Variants in UTP20 observed in about 807,000 individuals in gnomAD.
UTP20 encodes UTP20 small subunit processome component.
In UTP20, 164 loss-of-function variants were observed where a neutral mutation model predicts 329.5. That is an observed-to-expected ratio of 0.50 (90% CI 0.44 to 0.57). The LOEUF (loss-of-function observed/expected upper bound fraction) is 0.57, where lower values mean the gene tolerates loss of function less well. UTP20 is among the 20% of genes least tolerant of loss of function. The pLI, the probability that UTP20 is intolerant of heterozygous loss-of-function variation, is 0.00. For missense variants in UTP20, 3,055 were observed against 3,284.2 expected (o/e 0.93, Z 1.71); for synonymous variants, 1,151 against 1,159.3 (o/e 0.99, Z 0.14).
chr12:101,371,239 A>G, intron 51 of UTP20, 71 bp downstream of exon 51: 1 of 1,137,558 alleles, frequency 8.8e-7, no homozygotes, highest in South Asian at 1.6e-5. Context: ...AGGTGTCAAC[A>G]CTGGCTGAAT....
intron 55 of UTP20, among the ~76,000 whole-genome samples, chr12:101,375,271 T>A (rs1284674594): frequency 6.7e-6 from 1 of 148,480 alleles, no homozygotes; most frequent in African/African-American, 2.5e-5. Context: ...AAAAAAAAAA[T>A]GGGGGGTTGG....
Position 101,358,569 on chromosome 12 carries a change from A to ATTCTGTTAGTTTTCTTTC in UTP20, c.5691+1492_5691+1509dup, listed in dbSNP as rs1310120335. Among the ~76,000 whole-genome samples, 4 of 152,188 alleles carry ATTCTGTTAGTTTTCTTTC rather than the reference A, an allele frequency of 2.6e-5. No homozygotes were observed. In the South Asian group the frequency reaches 6.2e-4, roughly 24 times the overall value. On this transcript the variant is annotated intron_variant, in intron 43 of 61. Coordinates refer to ENST00000261637, the MANE Select transcript of UTP20 (RefSeq NM_014503.3). The stretch of plus-strand genomic sequence containing the variant: ...GGTGGAGCAGGCATGGTGGGAACAG[A>ATTCTGTTAGTTTTCTTTC]TTCTGTTAGTTTTCTTTCTTCTATG...
chr12:101,292,796 C>T (rs1049767358), intron 10 of UTP20, among the ~76,000 whole-genome samples: 4 of 152,078 alleles, frequency 2.6e-5, no homozygotes, highest in African/African-American at 9.7e-5. Flanking sequence ...GAAAGAATTC[C>T]AAGCAGGGAT....
rs1869738197 is a variant in UTP20, at chr12:101,356,823, C to T, written c.5535-103C>T. ...AACTTGCTGTGGTTTCGAATATTAA[C>T]AGGAAAATTTGAGTTACGAGTAATT... On this transcript the variant is annotated intron_variant, in intron 42 of 61. Transcript: ENST00000261637. 2.0e-6 allele frequency: 3 copies of T among 1,474,698 alleles called. No homozygotes were observed. The South Asian group carries it at 4.1e-5, about 20-fold the overall frequency. The allele number at this position is 1,474,698 out of a possible 1,614,324, so 91.4% of individuals were successfully genotyped here.
intron 32 of UTP20, among the ~76,000 whole-genome samples, chr12:101,340,937 C>CTTTTTTTTTTTTTTTT (rs71091488): frequency 6.0e-5 from 5 of 83,026 alleles, no homozygotes; most frequent in Admixed American, 1.5e-4. Context: ...ATTGTGTAAT[C>CTTTTTTTTTTTTTTTT]TTTTTTTTTT....
chr12:101,333,698 G>GT (rs5800466), intron 28 of UTP20, among the ~76,000 whole-genome samples: 31,282 of 152,140 alleles, frequency 0.21, 7,048 homozygotes, highest in East Asian at 0.55. Context: ...TTAAGCAACT[G>GT]TAACATAACT....
intron 52 of UTP20, 83 bp from the exon 53 acceptor site, chr12:101,373,318 C>A: frequency 7.4e-7 from 1 of 1,352,382 alleles, no homozygotes; most frequent in Non-Finnish European, 1.0e-6. Context: ...AAACTGACAC[C>A]TTGATACAAT....
At chr12:101,375,310 A>G (rs756411513) in intron 55 of UTP20, among the ~76,000 whole-genome samples, 1 of 152,108 alleles carries the variant, frequency 6.6e-6, no homozygotes, top group Non-Finnish European at 1.5e-5. Context: ...TCTTCATGGT[A>G]TATGAAGATC....
chr12:101,320,729 T>C, intron 23 of UTP20, 123 bp from the exon 24 acceptor site: 1 of 703,340 alleles, frequency 1.4e-6, no homozygotes, highest in Non-Finnish European at 2.2e-6. Flanking sequence ...AGCAATCAGG[T>C]TTAGGTCTTG....
rs1330692306 is a variant in UTP20, at chr12:101,310,595, A to AAAAAAAAAAAAAAAAAAAAAAAAAAG, written c.2231+759_2231+760insAAAAAAAAAAAAAAAAAAAAAAGAAA. Among the ~76,000 whole-genome samples, 36 of 121,742 alleles carry AAAAAAAAAAAAAAAAAAAAAAAAAAG rather than the reference A, an allele frequency of 3.0e-4. 1 individual carries two copies. The highest frequency in any genetic ancestry group is 3.6e-4 in the Non-Finnish European group (18 of 49,788). The allele number at this position is 121,742 out of a possible 152,430, so 79.9% of individuals were successfully genotyped here. Reference sequence around the variant, plus strand: ...TGTCTCCCAAAAAAAAAAAAAAAAAAAAATACATGTTATGGCTCATGTGTA... The same window carrying AAAAAAAAAAAAAAAAAAAAAAAAAAG: ...TGTCTCCCAAAAAAAAAAAAAAAAAAAAAAAAAAAAAAAAAAAAAAAAAAAGAAATACATGTTATGGCTCATGTGTA... On this transcript the variant is annotated intron_variant, in intron 19 of 61. Coordinates refer to ENST00000261637, the MANE Select transcript of UTP20 (RefSeq NM_014503.3).
In UTP20 at chr12:101,366,588, T is replaced by G; in HGVS notation, c.6156T>G (p.Arg2052=). The change falls in exon 47 of 62, where the codon CGT becomes CGG. Residue 2052 remains arginine, a synonymous_variant. Coordinates refer to ENST00000261637, the MANE Select transcript of UTP20 (RefSeq NM_014503.3). ...CAGTAGCCCCAGCACCAGATCCACGTCTACCACCCCAGAGCTGCCTTCTGC... is the reference window on the plus strand; with the variant it reads ...CAGTAGCCCCAGCACCAGATCCACGGCTACCACCCCAGAGCTGCCTTCTGC... ...KNPVAPAPDP[R]LPPQSCLLLP... is the part of the protein sequence containing the mutation. The G allele has an allele frequency of 6.2e-7, 1 of 1,614,110 alleles. No homozygotes were observed. The highest frequency in any genetic ancestry group is 8.5e-7 in the Non-Finnish European group (1 of 1,179,996).
At position 101,356,646 on chromosome 12, in the gene UTP20, A is replaced by G. The variant is rs1420853762; in HGVS notation, c.5487A>G (p.Lys1829=). ...TTCCATTAGCTTTTGCCATGGTTAA[A>G]CTAATGCAGTCCCTTCCACAAGAAG... ...VRVPLAFAMV[K]LMQSLPQEVM... Residue 1829 remains lysine, a synonymous_variant, in exon 42 of 62, where the codon AAA becomes AAG. Transcript: ENST00000261637. 2.5e-6 allele frequency: 4 copies of G among 1,614,048 alleles called. No individual in the cohort carries two copies. The highest frequency in any genetic ancestry group is 3.4e-6 in the Non-Finnish European group (4 of 1,179,972).
At chr12:101,285,969 C>A in intron 4 of UTP20, 88 bp downstream of exon 4, 1 of 1,507,082 alleles carries the variant, frequency 6.6e-7, no homozygotes, top group Non-Finnish European at 8.9e-7. Flanking sequence ...TACCGCAGAT[C>A]AGGTGCTCAT....
At chr12:101,349,510 C>T (rs1455808377) in intron 38 of UTP20, among the ~76,000 whole-genome samples, 1 of 151,866 alleles carries the variant, frequency 6.6e-6, no homozygotes, top group Non-Finnish European at 1.5e-5. Flanking sequence ...ACAATCTCTG[C>T]TTACTGCAAC....
chr12:101,370,538 A>G lies in UTP20; in HGVS notation c.6662A>G (p.Gln2221Arg), dbSNP rs1279681269. 3 of 1,613,436 alleles carry G rather than the reference A, an allele frequency of 1.9e-6. No homozygotes were observed. The highest frequency in any genetic ancestry group is 2.5e-6 in the Non-Finnish European group (3 of 1,179,750). The change falls in exon 50 of 62, where the codon CAA becomes CGA. Residue 2221 changes from glutamine (Q) to arginine (R), a missense_variant. Gln to Arg is a conservative substitution (Grantham distance 43). Around this residue, in one of 3 missense-constraint regions of UTP20, gnomAD observed 273 missense variants for 363.1 expected, o/e 0.75. Coordinates refer to ENST00000261637, the MANE Select transcript of UTP20 (RefSeq NM_014503.3). ...GAGGACATTTATGATACTTCAAGAC[A>G]AGCCACTGCCTTTGGTCTTCTGAAG... Reference protein sequence around the residue: ...AEEDIYDTSRQATAFGLLKAI... With the variant: ...AEEDIYDTSRRATAFGLLKAI...
At position 101,367,937 on chromosome 12, in the gene UTP20, G is replaced by A. The variant is rs113954350; in HGVS notation, c.6345G>A (p.Val2115=). 0.012 allele frequency: 19,144 copies of A among 1,613,602 alleles called. 157 individuals carry two copies. The highest frequency in any genetic ancestry group is 0.013 in the Non-Finnish European group (15,753 of 1,179,644). Residue 2115 remains valine (V), a synonymous_variant, in exon 48 of 62, where the codon GTG becomes GTA. Transcript: ENST00000261637. ...TCCTGGAAATGCTGGATCCTTTTGT[G>A]TCTCTCCTCATAGACTGCCTGGGCT... The part of the protein sequence containing the change: ...ECVLEMLDPF[V]SLLIDCLGSM...
At chr12:101,299,637 C>G in intron 12 of UTP20, 45 bp from the exon 13 acceptor site, 19 of 1,502,918 alleles carry the variant, frequency 1.3e-5, no homozygotes, top group Non-Finnish European at 1.7e-5. Context: ...AGGGCAAGAG[C>G]GATTACATTC....
chr12:101,386,140 T>G lies in UTP20; in HGVS notation c.*17T>G, dbSNP rs750149633. The G allele has an allele frequency of 6.3e-7, 1 of 1,591,008 alleles. No homozygotes were observed. Among genetic ancestry groups the G allele is most frequent in the South Asian group, 1.2e-5 (1 of 85,284 alleles). On this transcript the variant is annotated 3_prime_UTR_variant, in exon 62 of 62. Transcript: ENST00000261637. The stretch of plus-strand genomic sequence containing the variant: ...GTGGAGTAATGTCTCCCTGTGCTGA[T>G]ACAAGCATGAACTTTCTGGAATATT...
intron 56 of UTP20, among the ~76,000 whole-genome samples, chr12:101,378,552 C>T (rs1229161223): frequency 6.6e-6 from 1 of 152,004 alleles, no homozygotes; most frequent in Non-Finnish European, 1.5e-5. Context: ...AACCCTGTCT[C>T]TACTAAAAAT....
Sources: allele counts gnomAD v4.1 joint callset (sites outside exome capture counted in the v4.1 genomes callset), GRCh38; gene constraint gnomAD v4.1.1; regional missense constraint gnomAD v4.1.1; transcripts MANE v1.5; gene names NCBI Gene and HGNC (gene_info 2026-07-23, HGNC 2026-07-21).